NAV2: variants seen among roughly 807,000 people sequenced by gnomAD.
NAV2 encodes helicase, APC down-regulated 1.
NAV2 carries 54 observed loss-of-function variants against 223.2 expected under a neutral mutation model. The ratio of observed to expected loss-of-function variants is 0.24; its 90% confidence interval spans 0.19 to 0.30. The LOEUF (loss-of-function observed/expected upper bound fraction) is 0.30. Ranked by LOEUF, NAV2 falls within the 10% of genes least tolerant of loss-of-function variation. The probability of loss-of-function intolerance (pLI) is 1.00; values close to 1 mark genes in which losing one functional copy is unlikely to be tolerated. For missense variants in NAV2, 2,806 were observed against 3,147.5 expected, an observed-to-expected ratio of 0.89 and a Z score of 2.60; for synonymous variants, 1,279 against 1,239.3, an observed-to-expected ratio of 1.03 and a Z score of -0.67.
In NAV2 at chr11:19,532,748, T is replaced by C. The variant is rs565368728; in HGVS notation, c.75+181721T>C. On this transcript the variant is annotated intron_variant, in intron 1 of 37. Transcript: ENST00000360655. ...AATTCTTGAGCTAAACTTAGTAGCA[T>C]GTGGCTGGAGCCCAAGGGCAACCCC... Among the ~76,000 whole-genome samples the C allele has an allele frequency of 7.9e-5, 12 of 152,336 alleles. No homozygotes were observed. In the East Asian group the frequency reaches 1.9e-3, roughly 25 times the overall value.
chr11:19,398,752 C>T (rs907588573), intron 1 of NAV2, among the ~76,000 whole-genome samples: 2 of 152,202 alleles, frequency 1.3e-5, no homozygotes, highest in Admixed American at 6.5e-5. Flanking sequence ...GATTAAAAAG[C>T]ATTCTGTTAA....
chr11:20,065,876 G>C (rs185755860), intron 20 of NAV2, among the ~76,000 whole-genome samples: 2 of 152,144 alleles, frequency 1.3e-5, no homozygotes, highest in African/African-American at 4.8e-5. Flanking sequence ...ATTGAACTTG[G>C]GGCTTATTTC....
Position 20,118,457 on chromosome 11 carries a change from C to T in NAV2, c.*199C>T, listed in dbSNP as rs768294237. 1 of 617,916 alleles carries T rather than the reference C, an allele frequency of 1.6e-6. No homozygotes were observed. Among genetic ancestry groups the T allele is most frequent in the Non-Finnish European group, 2.9e-6 (1 of 346,240 alleles). The allele number at this position is 617,916 out of a possible 1,614,324, so 38.3% of individuals were successfully genotyped here. A position where few individuals can be genotyped will look rare whatever the true frequency, so the allele number is the denominator to read the frequency against. On this transcript the variant is annotated 3_prime_UTR_variant, in exon 38 of 38. Transcript: ENST00000349880. ...GCTGCCTGCGGACCGCTTCCTTCCA[C>T]AGCGAGAACTGCACTACCTTCTGTT...
chr11:19,395,372 A>T (rs1054466707), intron 1 of NAV2, among the ~76,000 whole-genome samples: 1 of 152,216 alleles, frequency 6.6e-6, no homozygotes, highest in Non-Finnish European at 1.5e-5. Context: ...TCCTTTGTGC[A>T]GAGTGCTTGG....
intron 1 of NAV2, among the ~76,000 whole-genome samples, chr11:19,352,335 G>A (rs995768389): frequency 1.3e-5 from 2 of 152,202 alleles, no homozygotes; most frequent in Non-Finnish European, 2.9e-5. Flanking sequence ...AGCCAAGTTT[G>A]GTATCCAGAC....
chr11:19,517,029 G>A (rs2134282568), intron 1 of NAV2, among the ~76,000 whole-genome samples: 1 of 150,616 alleles, frequency 6.6e-6, no homozygotes, highest in African/African-American at 2.4e-5. Context: ...AGGCAACATA[G>A]CAAGACCCTC....
At chr11:19,388,108 C>A (rs575014894) in intron 1 of NAV2, among the ~76,000 whole-genome samples, 19 of 152,286 alleles carry the variant, frequency 1.2e-4, no homozygotes, top group African/African-American at 2.9e-4. Flanking sequence ...GAGATGAAAC[C>A]TTGAAAACTC....
chr11:19,942,244 T>C lies in NAV2; in HGVS notation c.2146+2471T>C, dbSNP rs372813993. ...GTCAGAGGAGGCATAATTGGCAGTT[T>C]AGAACGTGATCACCTAAGCATGTCA... On this transcript the variant is annotated intron_variant, in intron 8 of 37. Transcript: ENST00000349880. Among the ~76,000 whole-genome samples the C allele has an allele frequency of 2.8e-3, 434 of 152,328 alleles. 1 individual carries two copies. Among genetic ancestry groups the C allele is most frequent in the African/African-American group, 9.7e-3 (403 of 41,586 alleles).
intron 1 of NAV2, among the ~76,000 whole-genome samples, chr11:19,537,123 C>T (rs878998983): frequency 6.6e-6 from 1 of 152,136 alleles, no homozygotes; most frequent in African/African-American, 2.4e-5. Context: ...GGGGATCTAA[C>T]AATTCTTCAC....
At chr11:19,806,274 A>T (rs1192006781) in intron 1 of NAV2, among the ~76,000 whole-genome samples, 5 of 152,212 alleles carry the variant, frequency 3.3e-5, no homozygotes, top group Non-Finnish European at 7.3e-5. Context: ...TCCTTTCCTG[A>T]CTTCTGTTTC....
At chr11:19,400,340 T>C (rs1849631291) in intron 1 of NAV2, among the ~76,000 whole-genome samples, 1 of 152,162 alleles carries the variant, frequency 6.6e-6, no homozygotes, top group African/African-American at 2.4e-5. Context: ...GTGGTGGGCT[T>C]TGCCAATTCC....
chr11:19,865,863 T>A (rs1227321584), intron 3 of NAV2, among the ~76,000 whole-genome samples: 1 of 85,668 alleles, frequency 1.2e-5, no homozygotes, highest in African/African-American at 4.4e-5. Context: ...GTCTATGTGC[T>A]CTGATTCTTC....
At chr11:19,610,700 AGATG>A (rs573163308) in intron 1 of NAV2, among the ~76,000 whole-genome samples, 1 of 152,122 alleles carries the variant, frequency 6.6e-6, no homozygotes, top group Non-Finnish European at 1.5e-5. Context: ...ATGGATAAGT[AGATG>A]GATGGATGGA....
At chr11:20,098,418 TC>T (rs1399632321) in intron 31 of NAV2, among the ~76,000 whole-genome samples, 6 of 152,230 alleles carry the variant, frequency 3.9e-5, no homozygotes, top group African/African-American at 1.4e-4. Context: ...ATCCAGTCTG[TC>T]CCAAATGTAT....
intron 1 of NAV2, among the ~76,000 whole-genome samples, chr11:19,782,149 C>A (rs939602462): frequency 1.3e-5 from 2 of 152,180 alleles, no homozygotes; most frequent in African/African-American, 4.8e-5. Flanking sequence ...CCCAAAATCT[C>A]AAGGGCAAGA....
At chr11:19,590,084 G>T (rs143304062) in intron 1 of NAV2, among the ~76,000 whole-genome samples, 2,926 of 152,216 alleles carry the variant, frequency 0.019, 46 homozygotes, top group Non-Finnish European at 0.03. Context: ...TGCGAGCATT[G>T]GTCAAATTAC....
Position 20,108,807 on chromosome 11 carries a change from C to T in NAV2, c.6960+1025C>T, listed in dbSNP as rs116333651. 9.0e-3 allele frequency among the ~76,000 whole-genome samples: 1,376 copies of T among 152,220 alleles called. 20 individuals carry two copies. Among genetic ancestry groups the T allele is most frequent in the African/African-American group, 0.032 (1,321 of 41,514 alleles). On this transcript the variant is annotated intron_variant, in intron 36 of 37. Coordinates refer to ENST00000349880, the MANE Select transcript of NAV2 (RefSeq NM_145117.5). ...GACCCAGGGTTTAACTGGAAGCTTA[C>T]CATTAATTTGGAACTTGGGATAGTT...
chr11:19,816,938 T>TA (rs1778228371), intron 1 of NAV2, among the ~76,000 whole-genome samples: 3 of 152,134 alleles, frequency 2.0e-5, no homozygotes, highest in African/African-American at 7.2e-5. Context: ...CACAGCCCCT[T>TA]ATGCAGAAAA....
In NAV2 at chr11:20,067,782, G is replaced by A. The variant is rs534048687; in HGVS notation, c.4885-404G>A. On this transcript the variant is annotated intron_variant, in intron 20 of 37. Coordinates refer to ENST00000349880, the MANE Select transcript of NAV2 (RefSeq NM_145117.5). The stretch of plus-strand genomic sequence containing the variant: ...TGGGATGTCAGGCATGAGCTACCAT[G>A]CCCAGTCCTAGACCTTTTTGTTTTT... 2.0e-5 allele frequency among the ~76,000 whole-genome samples: 3 copies of A among 151,648 alleles called. No individual in the cohort carries two copies. In the East Asian group the frequency reaches 5.8e-4, roughly 29 times the overall value.
Sources: allele counts gnomAD v4.1 joint callset (sites outside exome capture counted in the v4.1 genomes callset), GRCh38; gene constraint gnomAD v4.1.1; transcripts MANE v1.5; gene names NCBI Gene and HGNC (gene_info 2026-07-23, HGNC 2026-07-21).